SEZ6: variants seen among roughly 807,000 people sequenced by gnomAD.
SEZ6 encodes the protein seizure related 6 homolog.
Under a neutral mutation model 101.0 loss-of-function variants are expected in SEZ6, and 53 were observed. The observed-to-expected ratio is 0.52, with a 90% CI of 0.42 to 0.66. SEZ6 has a LOEUF of 0.66. SEZ6 is among the 30% of genes least tolerant of loss of function. The probability of loss-of-function intolerance (pLI) is 0.00; values close to 1 mark genes in which losing one functional copy is unlikely to be tolerated. For missense variants in SEZ6, 1,102 were observed against 1,289.4 expected, an observed-to-expected ratio of 0.85 and a Z score of 2.23; for synonymous variants, 488 against 512.2, an observed-to-expected ratio of 0.95 and a Z score of 0.64.
intron 1 of SEZ6, among the ~76,000 whole-genome samples, chr17:28,991,020 C>T (rs1439612072): frequency 6.6e-6 from 1 of 151,784 alleles, no homozygotes; most frequent in Non-Finnish European, 1.5e-5. Context: ...ATTTTCCTGT[C>T]TCAGCCTCCC....
chr17:28,989,115 C>A (rs1408468848), intron 1 of SEZ6, among the ~76,000 whole-genome samples: 1 of 152,182 alleles, frequency 6.6e-6, no homozygotes, highest in African/African-American at 2.4e-5. Context: ...TCAGGCCATG[C>A]TATCCTCATC....
chr17:29,000,830 A>T (rs8069225), intron 1 of SEZ6, among the ~76,000 whole-genome samples: 1 of 149,576 alleles, frequency 6.7e-6, no homozygotes, highest in African/African-American at 2.4e-5. Context: ...TGGCTGTTAT[A>T]GGGGGGGTGG....
At chr17:28,985,365 G>C (rs1424041344) in intron 1 of SEZ6, among the ~76,000 whole-genome samples, 1 of 152,234 alleles carries the variant, frequency 6.6e-6, no homozygotes, top group South Asian at 2.1e-4. Context: ...CCCCCACCCT[G>C]TGCCTGAAGC....
intron 1 of SEZ6, 75 bp from the exon 2 acceptor site, chr17:28,982,114 G>C: frequency 1.4e-6 from 2 of 1,475,510 alleles, no homozygotes; most frequent in South Asian, 2.8e-5. Context: ...CGAGTAGTGG[G>C]GGGGCCCGCT....
intron 4 of SEZ6, among the ~76,000 whole-genome samples, chr17:28,966,308 T>C (rs941175868): frequency 2.3e-5 from 3 of 128,864 alleles, no homozygotes; most frequent in Middle Eastern, 4.5e-3. Context: ...ACCCCATCTC[T>C]ACTAAAAATA....
chr17:28,979,880 CGTGTGTGTGTGTGTGTGTGTGTGT>C (rs3052131), intron 2 of SEZ6, 67 bp from the exon 3 acceptor site: 6 of 857,840 alleles, frequency 7.0e-6, no homozygotes, highest in Admixed American at 3.0e-5. Context: ...AAGGCTGAAC[CGTGTGTGTGTGTGTGTGTGTGTGT>C]GTGTGTGTGT....
Position 28,958,120 on chromosome 17 carries a change from CAT to C in SEZ6, c.2127_2128del (p.Cys710SerfsTer5). On this transcript the variant is annotated frameshift_variant, in exon 11 of 17. Coordinates refer to ENST00000317338, the MANE Select transcript of SEZ6 (RefSeq NM_178860.5). LOFTEE classifies it high-confidence loss of function. Reference sequence around the variant, plus strand: ...ATTGGGGATCTCAGGCAGCTCCGGACATGTGTCATTGCGGGGCACCTCTGGGG... The same window carrying C: ...ATTGGGGATCTCAGGCAGCTCCGGACGTGTCATTGCGGGGCACCTCTGGGG... 1.3e-6 allele frequency: 2 copies of C among 1,598,296 alleles called. No individual in the cohort carries two copies. The highest frequency in any genetic ancestry group is 1.7e-6 in the Non-Finnish European group (2 of 1,166,976).
In SEZ6 at chr17:28,955,684, T is replaced by C; in HGVS notation, c.*278A>G. 3 of 645,734 alleles carry C rather than the reference T, an allele frequency of 4.6e-6. No homozygotes were observed. The highest frequency in any genetic ancestry group is 8.6e-6 in the Non-Finnish European group (3 of 348,650). The allele number at this position is 645,734 out of a possible 1,614,324, so 40.0% of individuals were successfully genotyped here. On this transcript the variant is annotated 3_prime_UTR_variant, in exon 17 of 17. Transcript: ENST00000317338. ...GCATGAGGAGGCTCAGGATGCTGGC[T>C]GTTGATGCTTGTGCTCCAGCTATGT... is the stretch of plus-strand genomic sequence containing the variant.
At chr17:28,990,669 A>C (rs2041443970) in intron 1 of SEZ6, among the ~76,000 whole-genome samples, 1 of 151,784 alleles carries the variant, frequency 6.6e-6, no homozygotes, top group Non-Finnish European at 1.5e-5. Flanking sequence ...TAGGAGGACC[A>C]TTTTCCAGAC....
At chr17:28,963,607 C>T (rs1333342421) in intron 5 of SEZ6, among the ~76,000 whole-genome samples, 1 of 152,206 alleles carries the variant, frequency 6.6e-6, no homozygotes, top group Admixed American at 6.5e-5. Flanking sequence ...CCTAAATGTC[C>T]AGCTAAGAAT....
chr17:28,975,297 CTCAG>C (rs1224768282), intron 3 of SEZ6, among the ~76,000 whole-genome samples: 1 of 152,220 alleles, frequency 6.6e-6, no homozygotes, highest in Non-Finnish European at 1.5e-5. Flanking sequence ...GGTGCCCCTG[CTCAG>C]TCAGGCCTAT....
At chr17:29,001,546 G>C (rs2041614577) in intron 1 of SEZ6, among the ~76,000 whole-genome samples, 1 of 152,222 alleles carries the variant, frequency 6.6e-6, no homozygotes, top group South Asian at 2.1e-4. Flanking sequence ...GCTAATACTT[G>C]AAGCGTGAGG....
rs190019373 is a variant in SEZ6, at chr17:28,991,728, C to A, written c.56-9689G>T. On this transcript the variant is annotated intron_variant, in intron 1 of 16. Transcript: ENST00000317338. ...GGGAGAGATGACAAGGAGCCCTGGACTTCTTCGAGTTTTTCAGAAAGGCCT... is the reference window on the plus strand; with the variant it reads ...GGGAGAGATGACAAGGAGCCCTGGAATTCTTCGAGTTTTTCAGAAAGGCCT... 1.2e-4 allele frequency among the ~76,000 whole-genome samples: 18 copies of A among 152,250 alleles called. 1 individual carries two copies. The East Asian group carries it at 3.1e-3, about 26-fold the overall frequency.
At chr17:28,964,507 T>A (rs1191522471) in intron 4 of SEZ6, among the ~76,000 whole-genome samples, 2 of 152,158 alleles carry the variant, frequency 1.3e-5, no homozygotes, top group Non-Finnish European at 2.9e-5. Flanking sequence ...AATGATAGAG[T>A]ATTTTATCTA....
At chr17:28,998,628 G>C (rs2152693261) in intron 1 of SEZ6, among the ~76,000 whole-genome samples, 1 of 152,256 alleles carries the variant, frequency 6.6e-6, no homozygotes, top group Middle Eastern at 3.4e-3. Flanking sequence ...GAAGAAACCA[G>C]AAGTCCCCCC....
Position 28,955,842 on chromosome 17 carries a change from C to T in SEZ6, c.*120G>A. ...CAACTTCTTGAGGGCTTGGTGGCAT[C>T]TCCTCCTAGGTGGTATATACAGGAG... On this transcript the variant is annotated 3_prime_UTR_variant, in exon 17 of 17. Transcript: ENST00000317338. 8.6e-7 allele frequency: 1 copy of T among 1,156,814 alleles called. No individual in the cohort carries two copies. The highest frequency in any genetic ancestry group is 1.3e-5 in the South Asian group (1 of 75,904). The allele number at this position is 1,156,814 out of a possible 1,614,324, so 71.7% of individuals were successfully genotyped here. A position where few individuals can be genotyped will look rare whatever the true frequency, so the allele number is the denominator to read the frequency against.
intron 3 of SEZ6, among the ~76,000 whole-genome samples, chr17:28,977,685 G>A (rs1771566860): frequency 6.6e-6 from 1 of 152,226 alleles, no homozygotes; most frequent in African/African-American, 2.4e-5. Flanking sequence ...TTGTCCAGTG[G>A]GCTTCAGTAG....
rs559789453 is a variant in SEZ6 at position 28,955,324 on chromosome 17, G to A, written c.*638C>T. The A allele has an allele frequency of 5.4e-5, 14 of 257,436 alleles. No individual in the cohort carries two copies. The East Asian group carries it at 1.4e-3, about 25-fold the overall frequency. The allele number at this position is 257,436 out of a possible 1,614,324, so 15.9% of individuals were successfully genotyped here. On this transcript the variant is annotated 3_prime_UTR_variant, in exon 17 of 17. Coordinates refer to ENST00000317338, the MANE Select transcript of SEZ6 (RefSeq NM_178860.5). Reference sequence around the variant, plus strand: ...CTTTGGTGTGGAGCATGAGTGCCCAGGGAAGCCCAACCTGAGGTGGGGGTA... The same window carrying A: ...CTTTGGTGTGGAGCATGAGTGCCCAAGGAAGCCCAACCTGAGGTGGGGGTA...
intron 2 of SEZ6, 54 bp from the exon 3 acceptor site, chr17:28,979,867 A>G: frequency 2.0e-6 from 3 of 1,528,072 alleles, no homozygotes; most frequent in South Asian, 1.2e-5. Flanking sequence ...AAGTGGTCCA[A>G]CTAAGGCTGA....
Sources: gnomAD v4.1 joint callset for allele counts (sites outside exome capture counted in the v4.1 genomes callset) on GRCh38, gnomAD v4.1.1 for gene constraint, MANE v1.5 for transcripts, NCBI Gene and HGNC (gene_info 2026-07-23, HGNC 2026-07-21) for gene names.